Variants in ZNF429 observed in about 807,000 individuals in gnomAD.
ZNF429 encodes the protein zinc finger protein 429.
In ZNF429, 53 loss-of-function variants were observed where a neutral mutation model predicts 56.8. That is an observed-to-expected ratio of 0.93 (90% CI 0.75 to 1.17). The LOEUF is 1.17. Ranked by LOEUF, ZNF429 falls within the 50% of genes most tolerant of loss-of-function variation. The probability of loss-of-function intolerance (pLI) is 0.00; values close to 1 mark genes in which losing one functional copy is unlikely to be tolerated. For synonymous variants in ZNF429, 278 were observed against 264.7 expected (o/e 1.05, Z -0.49); for missense variants, 849 against 788.4 (o/e 1.08, Z -0.92).
Position 21,537,310 on chromosome 19 carries a change from T to C in ZNF429, c.1257T>C (p.His419=). 1.9e-6 allele frequency: 3 copies of C among 1,614,116 alleles called. No individual in the cohort carries two copies. Among genetic ancestry groups the C allele is most frequent in the Non-Finnish European group, 2.5e-6 (3 of 1,179,998 alleles). ...CACTTACTCAAGACAAGAAAATTCATACTGGAGAGAAACCCTACAATTGTG... is the reference window on the plus strand; with the variant it reads ...CACTTACTCAAGACAAGAAAATTCACACTGGAGAGAAACCCTACAATTGTG... ...SSTLTQDKKI[H]TGEKPYNCEE... Residue 419 remains histidine, a synonymous_variant, in exon 4 of 4, where the codon CAT becomes CAC. Coordinates refer to ENST00000358491, the MANE Select transcript of ZNF429 (RefSeq NM_001001415.4).
In ZNF429 at chr19:21,536,652, C is replaced by T; in HGVS notation, c.599C>T (p.Thr200Ile). 1 of 1,613,978 alleles carries T rather than the reference C, an allele frequency of 6.2e-7. No homozygotes were observed. Among genetic ancestry groups the T allele is most frequent in the Middle Eastern group, 1.7e-4 (1 of 6,060 alleles). ...QHKKIHIRENTYRCKEFGNAF... is the reference protein window; with the variant it reads ...QHKKIHIRENIYRCKEFGNAF... ...AAGAAAATTCATATTAGAGAGAATA[C>T]CTACAGATGTAAAGAATTTGGCAAT... is the stretch of plus-strand genomic sequence containing the variant. Residue 200 changes from threonine (T) to isoleucine (I), a missense_variant, in exon 4 of 4, where the codon ACC (threonine) becomes ATC (isoleucine). Transcript: ENST00000358491.
At position 21,505,710 on chromosome 19, in the gene ZNF429, T is replaced by G; in HGVS notation, c.-62T>G. 1 of 1,587,392 alleles carries G rather than the reference T, an allele frequency of 6.3e-7. No homozygotes were observed. Among genetic ancestry groups the G allele is most frequent in the Non-Finnish European group, 8.6e-7 (1 of 1,161,008 alleles). ...CTTAGAGGCCCAGCCTGTGTGGCCC[T>G]GTGACCCGCAGATATTGGGAGATAC... On this transcript the variant is annotated 5_prime_UTR_variant, in exon 1 of 4. Coordinates refer to ENST00000358491, the MANE Select transcript of ZNF429 (RefSeq NM_001001415.4).
chr19:21,512,656 C>T (rs527662411), intron 1 of ZNF429, among the ~76,000 whole-genome samples: 2 of 104,012 alleles, frequency 1.9e-5, no homozygotes, highest in East Asian at 5.3e-4. Context: ...GAGCAAGACT[C>T]CATCTCAAAA....
chr19:21,535,411 CTTTTCTTTCTTTCTTT>C, intron 3 of ZNF429, among the ~76,000 whole-genome samples: 2 of 38,426 alleles, frequency 5.2e-5, no homozygotes, highest in Non-Finnish European at 9.6e-5. Flanking sequence ...CTTTCTTTTT[CTTTTCTTTCTTTCTTT>C]CTTTCTTTCT....
At chr19:21,535,049 G>A in intron 3 of ZNF429, among the ~76,000 whole-genome samples, 2 of 137,080 alleles carry the variant, frequency 1.5e-5, no homozygotes, top group Non-Finnish European at 3.2e-5. Context: ...GGATGGTCTC[G>A]ATCTCCTGAC....
intron 3 of ZNF429, among the ~76,000 whole-genome samples, chr19:21,534,537 G>T: frequency 6.6e-6 from 1 of 151,740 alleles, no homozygotes; most frequent in Non-Finnish European, 1.5e-5. Context: ...GGCTAGTGCA[G>T]TTTTTAATTA....
rs760640722 is a variant in ZNF429, at chr19:21,537,135, T to A, written c.1082T>A (p.Val361Glu). 6.9e-6 allele frequency: 11 copies of A among 1,602,448 alleles called. No homozygotes were observed. Among genetic ancestry groups the A allele is most frequent in the Non-Finnish European group, 8.5e-6 (10 of 1,176,100 alleles). ...NWSSTLTKHKVIHTGEKPYKC... is the reference protein window; with the variant it reads ...NWSSTLTKHKEIHTGEKPYKC... ...TCTTCAACTCTTACTAAACATAAGG[T>A]AATTCATACTGGAGAGAAGCCCTAC... The change falls in exon 4 of 4, where the codon GTA becomes GAA. Residue 361 changes from valine (V) to glutamate (E), a missense_variant. By Grantham distance (121) the Val-to-Glu change is moderately radical. Transcript: ENST00000358491.
Position 21,529,743 on chromosome 19 carries a change from G to C in ZNF429, c.89G>C (p.Arg30Thr), listed in dbSNP as rs751509338. The C allele has an allele frequency of 6.3e-7, 1 of 1,597,378 alleles. No individual in the cohort carries two copies. Among genetic ancestry groups the C allele is most frequent in the Admixed American group, 1.7e-5 (1 of 57,846 alleles). Residue 30 changes from arginine (R) to threonine (T), a missense_variant, in exon 2 of 4, where the codon AGA becomes ACA. Transcript: ENST00000358491. The part of the protein sequence containing the change: ...CLDTAQQNLY[R>T]NVMLENYRNL... ...GACACAGCACAACAGAACTTATATA[G>C]AAATGTGATGTTAGAGAACTACAGA...
chr19:21,512,846 C>T (rs1038266582), intron 1 of ZNF429, among the ~76,000 whole-genome samples: 2 of 151,518 alleles, frequency 1.3e-5, no homozygotes, highest in African/African-American at 4.8e-5. Flanking sequence ...GCTTATGTGA[C>T]AGGTAAGAAT....
intron 1 of ZNF429, among the ~76,000 whole-genome samples, chr19:21,520,340 A>C (rs1407900783): frequency 6.6e-6 from 1 of 152,218 alleles, no homozygotes; most frequent in Admixed American, 6.5e-5. Context: ...GTAGGAGAAA[A>C]TATAAATTAG....
intron 1 of ZNF429, among the ~76,000 whole-genome samples, chr19:21,513,271 G>A (rs1450879557): frequency 2.6e-5 from 4 of 152,068 alleles, no homozygotes; most frequent in East Asian, 1.9e-4. Flanking sequence ...GATTATCCAC[G>A]TGCTTTTTAT....
In ZNF429 at chr19:21,537,674, G is replaced by C; in HGVS notation, c.1621G>C (p.Glu541Gln). 6.2e-7 allele frequency: 1 copy of C among 1,613,336 alleles called. No individual in the cohort carries two copies. Residue 541 changes from glutamate (E) to glutamine (Q), a missense_variant, in exon 4 of 4, where the codon GAA (glutamate) becomes CAA (glutamine). Coordinates refer to ENST00000358491, the MANE Select transcript of ZNF429 (RefSeq NM_001001415.4). ...TGGAGAGAAACCTTACAAATGTGAA[G>C]AATGTGGCAAAGCTTTTAACCGGTC... ...HTGEKPYKCE[E>Q]CGKAFNRSSR...
chr19:21,537,100 C>CT lies in ZNF429; in HGVS notation c.1050dup (p.Asn351Ter). On this transcript the variant is annotated frameshift_variant, in exon 4 of 4. Transcript: ENST00000358491. LOFTEE classifies it high-confidence loss of function. ...ACAAATGTGAAGAATGTGGCAAAGC[C>CT]TTTAACTGGTCTTCAACTCTTACTA... is the stretch of plus-strand genomic sequence containing the variant. 2 of 1,609,766 alleles carry CT rather than the reference C, an allele frequency of 1.2e-6. No individual in the cohort carries two copies. Among genetic ancestry groups the CT allele is most frequent in the Non-Finnish European group, 1.7e-6 (2 of 1,178,666 alleles).
intron 3 of ZNF429, among the ~76,000 whole-genome samples, chr19:21,535,504 TTTC>T: frequency 6.5e-5 from 9 of 138,432 alleles, no homozygotes; most frequent in African/African-American, 1.7e-4. Flanking sequence ...TTCTTCTTTC[TTTC>T]TTTCTTTCCT....
chr19:21,529,621 C>G, intron 1 of ZNF429, 37 bp from the exon 2 acceptor site: 1 of 1,461,630 alleles, frequency 6.8e-7, no homozygotes, highest in East Asian at 2.5e-5. Context: ...ATTTCTCTCT[C>G]TTTCTCTCTC....
chr19:21,525,937 G>T (rs926574100), intron 1 of ZNF429, among the ~76,000 whole-genome samples: 1 of 152,304 alleles, frequency 6.6e-6, no homozygotes, highest in African/African-American at 2.4e-5. Flanking sequence ...AACTCCCAGG[G>T]TGTTATGAGG....
At position 21,537,175 on chromosome 19, in the gene ZNF429, TG is replaced by T. The variant is rs2033725655; in HGVS notation, c.1124del (p.Gly375AlafsTer309). 6.2e-7 allele frequency: 1 copy of T among 1,613,884 alleles called. No individual in the cohort carries two copies. The highest frequency in any genetic ancestry group is 1.3e-5 in the African/African-American group (1 of 74,914). On this transcript the variant is annotated frameshift_variant, in exon 4 of 4. Transcript: ENST00000358491. LOFTEE classifies it high-confidence loss of function. ...GEKPYKCEEC[G>X]KAFNQSSRLT... ...AGAAGCCCTACAAATGTGAAGAATG[TG>T]GCAAAGCTTTTAACCAGTCTTCAAG...
Position 21,538,277 on chromosome 19 carries a change from CA to C in ZNF429, c.*221del, listed in dbSNP as rs531427318. Among the ~76,000 whole-genome samples, 80 of 34,382 alleles carry C rather than the reference CA, an allele frequency of 2.3e-3. No individual in the cohort carries two copies. Among genetic ancestry groups the C allele is most frequent in the South Asian group, 0.013 (6 of 456 alleles). 22.6% of individuals were successfully genotyped at this position (34,382 alleles called of 152,430 possible). A position where few individuals can be genotyped will look rare whatever the true frequency, so the allele number is the denominator to read the frequency against. On this transcript the variant is annotated 3_prime_UTR_variant, in exon 4 of 4. Transcript: ENST00000358491. ...TGGGTGACAGAGCCAGACTCCATCT[CA>C]AAAAAAAAAAAAAAAAAAAAAGAAA...
intron 1 of ZNF429, among the ~76,000 whole-genome samples, chr19:21,523,415 G>C (rs1402108692): frequency 6.6e-6 from 1 of 152,212 alleles, no homozygotes; most frequent in Non-Finnish European, 1.5e-5. Flanking sequence ...AACTCGGAGA[G>C]ACATTAAAAT....
Sources: allele counts gnomAD v4.1 joint callset (sites outside exome capture counted in the v4.1 genomes callset), GRCh38; gene constraint gnomAD v4.1.1; transcripts MANE v1.5; gene names NCBI Gene and HGNC (gene_info 2026-07-23, HGNC 2026-07-21).